INTS1: variants seen among roughly 807,000 people sequenced by gnomAD.
INTS1 encodes integrator complex subunit 1.
Under a neutral mutation model 241.6 loss-of-function variants are expected in INTS1, and 137 were observed. The observed-to-expected ratio is 0.57, with a 90% confidence interval of 0.49 to 0.65. The LOEUF (loss-of-function observed/expected upper bound fraction) is 0.65, where lower values mean the gene tolerates loss of function less well. INTS1 is among the 30% of genes least tolerant of loss of function. The probability of loss-of-function intolerance (pLI) is 0.00; values close to 1 mark genes in which losing one functional copy is unlikely to be tolerated. For synonymous variants in INTS1, 1,692 were observed against 1,337.8 expected, an observed-to-expected ratio of 1.26 and a Z score of -5.78; for missense variants, 3,073 against 3,032.2, an observed-to-expected ratio of 1.01 and a Z score of -0.32.
chr7:1,470,628 G>T lies in INTS1; in HGVS notation c.6522C>A (p.Ser2174Arg). Reference sequence around the variant, plus strand: ...TCCTCAGGGCCTCGGAGATCTGCGCGCTGGGGTCCATCTGGCCGTACATGC... The same window carrying T: ...TCCTCAGGGCCTCGGAGATCTGCGCTCTGGGGTCCATCTGGCCGTACATGC... ...LVGMYGQMDPSAQISEALRIL... is the reference protein window; with the variant it reads ...LVGMYGQMDPRAQISEALRIL... Residue 2174 changes from serine (S) to arginine (R), a missense_variant, in exon 48 of 48, where the codon AGC (serine) becomes AGA (arginine). Ser to Arg is a moderately radical substitution (Grantham distance 110). Transcript: ENST00000404767. 3 of 1,588,082 alleles carry T rather than the reference G, an allele frequency of 1.9e-6. No individual in the cohort carries two copies. Among genetic ancestry groups the T allele is most frequent in the Non-Finnish European group, 2.6e-6 (3 of 1,168,276 alleles).
rs554787830 is a variant in INTS1 at position 1,481,299 on chromosome 7, G to T, written c.3850+43C>A. On this transcript the variant is annotated intron_variant, in intron 28 of 47. Coordinates refer to ENST00000404767, the MANE Select transcript of INTS1 (RefSeq NM_001080453.3). The surrounding 1 kb of genome is among the most constrained non-coding windows in gnomAD (Gnocchi z 6.8). ...AAAAGCCTGGCCGGGCTGGGGCTCG[G>T]TCAGCGTGTGTGAACCCACTCCGCA... 1 of 1,610,070 alleles carries T rather than the reference G, an allele frequency of 6.2e-7. No homozygotes were observed. Among genetic ancestry groups the T allele is most frequent in the Admixed American group, 1.7e-5 (1 of 59,834 alleles).
In INTS1 at chr7:1,477,750, C is replaced by T. The variant is rs955194461; in HGVS notation, c.4814+3G>A. The T allele has an allele frequency of 6.2e-7, 1 of 1,611,836 alleles. No individual in the cohort carries two copies. ...CCTGGCCGTGTGCAGCACCCCAGCT[C>T]ACCTGCCACCGTCCGCACCCGGCTT... On this transcript the variant is annotated splice_donor_region_variant and intron_variant, in intron 34 of 47. Transcript: ENST00000404767.
rs930144120 is a variant in INTS1, at chr7:1,475,817, G to T, written c.5502+131C>A. 4.3e-6 allele frequency: 5 copies of T among 1,166,570 alleles called. No individual in the cohort carries two copies. The South Asian group carries it at 7.7e-5, about 18-fold the overall frequency. The allele number at this position is 1,166,570 out of a possible 1,614,324, so 72.3% of individuals were successfully genotyped here. A position where few individuals can be genotyped will look rare whatever the true frequency, so the allele number is the denominator to read the frequency against. ...CGCAGACAAACCCACAGGGCCACAGGGCGGCGCGGACTGGGAAGGGGCAAG... is the reference window on the plus strand; with the variant it reads ...CGCAGACAAACCCACAGGGCCACAGTGCGGCGCGGACTGGGAAGGGGCAAG... On this transcript the variant is annotated intron_variant, in intron 39 of 47. Transcript: ENST00000404767.
At chr7:1,475,905 G>A (rs1191574148) in intron 39 of INTS1, 43 bp downstream of exon 39, 1 of 1,520,932 alleles carries the variant, frequency 6.6e-7, no homozygotes. Context: ...CCCGGCCAGG[G>A]CACCTGGGAC....
chr7:1,471,503 G>T, intron 45 of INTS1, 68 bp downstream of exon 45: 1 of 1,519,374 alleles, frequency 6.6e-7, no homozygotes, highest in Non-Finnish European at 9.1e-7. Flanking sequence ...ATGTTGGGGT[G>T]GTGGCCCTGC....
intron 16 of INTS1, among the ~76,000 whole-genome samples, 193 bp downstream of exon 16, chr7:1,492,817 T>C (rs558808715): frequency 1.8e-4 from 26 of 143,648 alleles, no homozygotes; most frequent in Non-Finnish European, 2.7e-4. Flanking sequence ...CCATGGGGAG[T>C]GGGGCGCGGG....
In INTS1 at chr7:1,499,079, T is replaced by C; in HGVS notation, c.1033A>G (p.Asn345Asp). The part of the protein sequence containing the change: ...DQLNRRQPID[N>D]VSRNLLRLLT... ...AGCCGCAGGAGGTTCCTGGAGACGT[T>C]GTCGATGGGCTGGCGCCGGTTCAGC... Residue 345 changes from asparagine to aspartate, a missense_variant, in exon 8 of 48, where the codon AAC becomes GAC. Asn to Asp is a conservative substitution (Grantham distance 23). Coordinates refer to ENST00000404767, the MANE Select transcript of INTS1 (RefSeq NM_001080453.3). 1 of 1,609,076 alleles carries C rather than the reference T, an allele frequency of 6.2e-7. No homozygotes were observed. Among genetic ancestry groups the C allele is most frequent in the Non-Finnish European group, 8.5e-7 (1 of 1,178,888 alleles).
chr7:1,474,106 A>T, intron 41 of INTS1, 62 bp downstream of exon 41: 1 of 1,477,444 alleles, frequency 6.8e-7, no homozygotes, highest in South Asian at 1.3e-5. Context: ...TGGGTGAGGC[A>T]GGCCTGGGCC....
chr7:1,495,672 G>T, intron 12 of INTS1, 119 bp from the exon 13 acceptor site: 1 of 1,278,256 alleles, frequency 7.8e-7, no homozygotes, highest in Non-Finnish European at 1.1e-6. Context: ...GGCACCCCCA[G>T]CTTCTGGACG....
Position 1,484,188 on chromosome 7 carries a change from G to C in INTS1, c.3262-18C>G, listed in dbSNP as rs1303165484. ...GCCACGTCCTGGTGTGTGGACAGGG[G>C]GGCGTCAGAGGCTCCGAGACAGCTC... On this transcript the variant is annotated intron_variant, in intron 24 of 47. Transcript: ENST00000404767. 1.3e-6 allele frequency: 2 copies of C among 1,596,172 alleles called. No individual in the cohort carries two copies. The highest frequency in any genetic ancestry group is 1.7e-5 in the Admixed American group (1 of 59,548).
Position 1,487,427 on chromosome 7 carries a change from G to C in INTS1, c.2539C>G (p.Pro847Ala), listed in dbSNP as rs1447170626. ...DPQGPPRRPP[P>A]HILDQVKSLN... ...CTTTTCACTTGATCCAGGATGTGAG[G>C]GGGAGGCCTCCGGGGGGGCCCCCTG... is the stretch of plus-strand genomic sequence containing the variant. Residue 847 changes from proline to alanine, a missense_variant, in exon 20 of 48, where the codon CCT (proline) becomes GCT (alanine). Physicochemically the swap from Pro to Ala is conservative, Grantham distance 27. Coordinates refer to ENST00000404767, the MANE Select transcript of INTS1 (RefSeq NM_001080453.3). 9.9e-6 allele frequency: 16 copies of C among 1,611,906 alleles called. No homozygotes were observed. The highest frequency in any genetic ancestry group is 1.2e-5 in the Non-Finnish European group (14 of 1,179,502).
rs749540357 is a variant in INTS1 at position 1,494,901 on chromosome 7, G to A, written c.1833-8C>T. On this transcript the variant is annotated splice_region_variant and splice_polypyrimidine_tract_variant and intron_variant, in intron 13 of 47. Transcript: ENST00000404767. ...AACAGCACCTTGTGCAGGCTGGGCA[G>A]GCAGAGAAGAGCCCTCAGTCATGAT... 181 of 1,556,160 alleles carry A rather than the reference G, an allele frequency of 1.2e-4. No individual in the cohort carries two copies. The highest frequency in any genetic ancestry group is 5.0e-4 in the Middle Eastern group (3 of 5,996).
chr7:1,498,470 G>T lies in INTS1; in HGVS notation c.1367C>A (p.Pro456Gln), dbSNP rs569139467. ...IFNELSSARN[P>Q]NNMQVLYTAL... ...GGTATAGAGGACCTGCATGTTGTTCGGGTTCCGGGCGCTGGAGAGCTCATT... is the reference window on the plus strand; with the variant it reads ...GGTATAGAGGACCTGCATGTTGTTCTGGTTCCGGGCGCTGGAGAGCTCATT... The change falls in exon 10 of 48, where the codon CCG (proline) becomes CAG (glutamine). Residue 456 changes from proline to glutamine, a missense_variant. By Grantham distance (76) the Pro-to-Gln change is moderately conservative. Transcript: ENST00000404767. The T allele has an allele frequency of 5.6e-6, 9 of 1,613,902 alleles. No individual in the cohort carries two copies. The African/African-American group carries it at 1.2e-4, about 22-fold the overall frequency.
At chr7:1,501,432 A>G (rs1225843833) in intron 3 of INTS1, among the ~76,000 whole-genome samples, 1 of 152,152 alleles carries the variant, frequency 6.6e-6, no homozygotes, top group Non-Finnish European at 1.5e-5. Flanking sequence ...GCTGGGGGAC[A>G]AGTGGGCTGC....
At chr7:1,489,214 A>C (rs923826198) in intron 18 of INTS1, 130 bp downstream of exon 18, 3 of 130,498 alleles carry the variant, frequency 2.3e-5, no homozygotes, top group African/African-American at 1.6e-4. Context: ...GCTCAGGTCC[A>C]TGAGTCAACA....
At chr7:1,498,941 C>CCGGGG in intron 8 of INTS1, 34 bp downstream of exon 8, 22 of 1,344,024 alleles carry the variant, frequency 1.6e-5, no homozygotes, top group Non-Finnish European at 2.1e-5. Context: ...CCCCCACCCC[C>CCGGGG]TGCCCCGCCC....
Position 1,483,279 on chromosome 7 carries a change from G to C in INTS1, c.3541+463C>G, listed in dbSNP as rs540133167. On this transcript the variant is annotated intron_variant, in intron 26 of 47. Transcript: ENST00000404767. ...AAGGGGAAGGCTGCGGCCGCAGAGG[G>C]CACGGCTGGGTAGGCGCTGGGTTCC... 1.7e-3 allele frequency: 434 copies of C among 250,668 alleles called. 7 individuals carry two copies. The South Asian group carries it at 0.021, about 12-fold the overall frequency. 15.5% of individuals were successfully genotyped at this position (250,668 alleles called of 1,614,324 possible).
Position 1,485,462 on chromosome 7 carries a change from G to A in INTS1, c.2984C>T (p.Ser995Leu), listed in dbSNP as rs552569555. ...ASRVLAMKGL[S>L]LVLSEGSLRD... is the part of the protein sequence containing the mutation. Reference sequence around the variant, plus strand: ...CAGGCTGCCCTCCGAAAGCACCAGCGACAAACCCTGTGGCAGACACTCATG... The same window carrying A: ...CAGGCTGCCCTCCGAAAGCACCAGCAACAAACCCTGTGGCAGACACTCATG... Residue 995 changes from serine to leucine, a missense_variant, in exon 23 of 48, where the codon TCG becomes TTG. Physicochemically the swap from Ser to Leu is moderately radical, Grantham distance 145 (BLOSUM62 -2). Coordinates refer to ENST00000404767, the MANE Select transcript of INTS1 (RefSeq NM_001080453.3). 28 of 1,612,128 alleles carry A rather than the reference G, an allele frequency of 1.7e-5. No homozygotes were observed. In the South Asian group the frequency reaches 1.8e-4, roughly 10 times the overall value.
intron 46 of INTS1, 24 bp downstream of exon 46, chr7:1,471,109 G>A: frequency 6.5e-7 from 1 of 1,549,366 alleles, no homozygotes; most frequent in Non-Finnish European, 8.7e-7. Flanking sequence ...GTGGCGGCGG[G>A]ACAGAGGCCG....
Sources: gnomAD v4.1 joint callset for allele counts (sites outside exome capture counted in the v4.1 genomes callset) on GRCh38, gnomAD v4.1.1 for gene constraint, Gnocchi (gnomAD v3.1) non-coding constraint, MANE v1.5 for transcripts, NCBI Gene and HGNC (gene_info 2026-07-23, HGNC 2026-07-21) for gene names.